The following RASGEF1C variants were observed in gnomAD, a reference collection of about 807,000 sequenced individuals.
The protein encoded by RASGEF1C is RasGEF domain family member 1C.
RASGEF1C carries 27 observed loss-of-function variants against 58.1 expected under a neutral mutation model. The ratio of observed to expected loss-of-function variants is 0.46; its 90% CI spans 0.34 to 0.64. The LOEUF is 0.64. RASGEF1C is among the 30% of genes least tolerant of loss of function. RASGEF1C has a pLI of 0.01. For missense variants in RASGEF1C, 502 were observed against 605.1 expected (o/e 0.83, Z 1.79); for synonymous variants, 243 against 246.3 (o/e 0.99, Z 0.13).
At position 180,143,645 on chromosome 5, in the gene RASGEF1C, G is replaced by A. The variant is rs139901946; in HGVS notation, c.-6-5587C>T. ...AGGACATCCAGGACTCCTGACTTAC[G>A]TTTCATATTGTGATTGTAAGGGTGG... On this transcript the variant is annotated intron_variant, in intron 1 of 13. Coordinates refer to ENST00000361132, the MANE Select transcript of RASGEF1C (RefSeq NM_175062.4). This position sits in a 1 kb window ranked among gnomAD's most constrained non-coding sequence, Gnocchi z 4.3. 4.1e-4 allele frequency among the ~76,000 whole-genome samples: 63 copies of A among 152,282 alleles called. No individual in the cohort carries two copies. The highest frequency in any genetic ancestry group is 1.1e-3 in the African/African-American group (47 of 41,546).
chr5:180,189,923 CAAAAAAAAAAAAAA>C (rs71001085), intron 1 of RASGEF1C, among the ~76,000 whole-genome samples: 2 of 37,204 alleles, frequency 5.4e-5, no homozygotes, highest in East Asian at 2.7e-3. Flanking sequence ...AACTCCATCT[CAAAAAAAAAAAAAA>C]AAAAAAAAAA....
chr5:180,109,064 T>C (rs1765913308), intron 12 of RASGEF1C, among the ~76,000 whole-genome samples: 2 of 152,342 alleles, frequency 1.3e-5, no homozygotes, highest in South Asian at 4.1e-4. Context: ...CTCTCTGCCC[T>C]GAGACTCCTC....
intron 1 of RASGEF1C, among the ~76,000 whole-genome samples, chr5:180,180,988 C>A (rs1334473631): frequency 6.6e-6 from 1 of 152,216 alleles, no homozygotes; most frequent in Non-Finnish European, 1.5e-5. Flanking sequence ...GGGATCACCA[C>A]GCAGGGCACT....
At chr5:180,135,358 A>C (rs937677658) in intron 4 of RASGEF1C, 1 of 152,192 alleles carries the variant, frequency 6.6e-6, no homozygotes, top group African/African-American at 2.4e-5. Flanking sequence ...CTGTCTTGGC[A>C]GTTTTCCCTT....
At chr5:180,106,702 G>T (rs1013483552) in intron 12 of RASGEF1C, among the ~76,000 whole-genome samples, 16 of 152,106 alleles carry the variant, frequency 1.1e-4, no homozygotes, top group Non-Finnish European at 2.4e-4. Context: ...GTATATTTTG[G>T]TCTATATTCT....
chr5:180,123,302 CAT>C (rs1387179750), intron 6 of RASGEF1C, among the ~76,000 whole-genome samples: 3 of 152,180 alleles, frequency 2.0e-5, no homozygotes, highest in African/African-American at 4.8e-5. Context: ...TTTTAACACA[CAT>C]GACGGTAACT....
chr5:180,116,328 C>A (rs1766067099), intron 10 of RASGEF1C, among the ~76,000 whole-genome samples: 1 of 152,152 alleles, frequency 6.6e-6, no homozygotes, highest in Non-Finnish European at 1.5e-5. Context: ...AGTTGCCGCC[C>A]ACAGACAGGA....
chr5:180,101,457 C>T lies in RASGEF1C; in HGVS notation c.*44G>A, dbSNP rs769326708. The T allele has an allele frequency of 2.5e-6, 4 of 1,605,664 alleles. No homozygotes were observed. The South Asian group carries it at 3.3e-5, about 13-fold the overall frequency. ...GCCACTGAGGCAGGGCTGTGGACGG[C>T]TTCTGCGGGCTCCAGCTCTTCCTCG... On this transcript the variant is annotated 3_prime_UTR_variant, in exon 14 of 14. Transcript: ENST00000361132.
intron 10 of RASGEF1C, among the ~76,000 whole-genome samples, chr5:180,117,879 A>T (rs1369200559): frequency 1.3e-5 from 2 of 151,890 alleles, no homozygotes; most frequent in Non-Finnish European, 2.9e-5. Context: ...CTATAATCCC[A>T]GCTACTTGGG....
At chr5:180,181,816 C>T (rs972955402) in intron 1 of RASGEF1C, among the ~76,000 whole-genome samples, 3 of 152,184 alleles carry the variant, frequency 2.0e-5, no homozygotes, top group African/African-American at 4.8e-5. Flanking sequence ...GGAGCATGAA[C>T]GCCACTGGCA....
At chr5:180,195,822 G>A (rs989359130) in intron 1 of RASGEF1C, among the ~76,000 whole-genome samples, 3 of 150,204 alleles carry the variant, frequency 2.0e-5, no homozygotes, top group Admixed American at 6.6e-5. Context: ...CAGGCCCGCC[G>A]TCCGGTGAGG....
At position 180,108,204 on chromosome 5, in the gene RASGEF1C, CT is replaced by C. The variant is rs34249635; in HGVS notation, c.1303+3252del. ...ATGTTTCAGTCTATTTTCTTTCTTT[CT>C]TTTTTTTTTTTTTTGAGACAGAGTC... On this transcript the variant is annotated intron_variant, in intron 12 of 13. Transcript: ENST00000361132. Among the ~76,000 whole-genome samples, 317 of 124,862 alleles carry C rather than the reference CT, an allele frequency of 2.5e-3. 1 individual carries two copies. The highest frequency in any genetic ancestry group is 3.9e-3 in the Middle Eastern group (1 of 254). 81.9% of individuals were successfully genotyped at this position (124,862 alleles called of 152,430 possible).
intron 1 of RASGEF1C, among the ~76,000 whole-genome samples, chr5:180,173,689 C>T (rs545569296): frequency 7.0e-5 from 10 of 143,156 alleles, no homozygotes; most frequent in South Asian, 4.2e-4. Flanking sequence ...CCAAGGTGGG[C>T]AGATCACAAG....
At chr5:180,120,969 G>A (rs1369069070) in intron 7 of RASGEF1C, 91 bp downstream of exon 7, 6 of 869,520 alleles carry the variant, frequency 6.9e-6, no homozygotes, top group Non-Finnish European at 1.2e-5. Context: ...AAGACTCAAG[G>A]TGTCCTTCCG....
intron 1 of RASGEF1C, among the ~76,000 whole-genome samples, chr5:180,174,154 G>C (rs1263150897): frequency 2.6e-5 from 4 of 151,956 alleles, no homozygotes; most frequent in Non-Finnish European, 5.9e-5. Context: ...AGTGACTTCG[G>C]GCAGACTGTT....
intron 12 of RASGEF1C, among the ~76,000 whole-genome samples, chr5:180,109,676 A>G (rs961435993): frequency 1.3e-4 from 20 of 152,174 alleles, no homozygotes; most frequent in African/African-American, 4.6e-4. Flanking sequence ...GGGAGATTTG[A>G]CTAAGGTGGA....
intron 10 of RASGEF1C, among the ~76,000 whole-genome samples, chr5:180,117,233 AG>A (rs903124259): frequency 6.6e-6 from 1 of 152,236 alleles, no homozygotes; most frequent in Non-Finnish European, 1.5e-5. Flanking sequence ...TGAACAGGAA[AG>A]GCCAGCTGGA....
rs1306103455 is a variant in RASGEF1C, at chr5:180,137,804, C to T, written c.177+72G>A. Reference sequence around the variant, plus strand: ...GGCCCTGTACCCTGGCCCAAGGTCACGCCCAACCCTGATGCCCCCCGTGCG... The same window carrying T: ...GGCCCTGTACCCTGGCCCAAGGTCATGCCCAACCCTGATGCCCCCCGTGCG... On this transcript the variant is annotated intron_variant, in intron 2 of 13. Coordinates refer to ENST00000361132, the MANE Select transcript of RASGEF1C (RefSeq NM_175062.4). The surrounding 1 kb of genome is among the most constrained non-coding windows in gnomAD (Gnocchi z 4.1). 1.1e-5 allele frequency: 18 copies of T among 1,602,390 alleles called. No individual in the cohort carries two copies. The highest frequency in any genetic ancestry group is 1.3e-5 in the African/African-American group (1 of 74,946).
intron 1 of RASGEF1C, among the ~76,000 whole-genome samples, chr5:180,163,262 T>G: frequency 7.0e-6 from 1 of 142,960 alleles, no homozygotes; most frequent in Non-Finnish European, 1.5e-5. Flanking sequence ...TCCAGCCTAT[T>G]GCACTGGCTA....
Sources: allele counts gnomAD v4.1 joint callset (sites outside exome capture counted in the v4.1 genomes callset), GRCh38; gene constraint gnomAD v4.1.1; non-coding constraint Gnocchi (gnomAD v3.1); transcripts MANE v1.5; gene names NCBI Gene and HGNC (gene_info 2026-07-23, HGNC 2026-07-21).